Variants in ZNF423 observed in about 807,000 individuals in gnomAD.
The protein encoded by ZNF423 is Ebf-associated zinc finger protein.
ZNF423 carries 12 observed loss-of-function variants against 95.8 expected under a neutral mutation model. The ratio of observed to expected loss-of-function variants is 0.13; its 90% CI spans 0.08 to 0.20. The LOEUF is 0.20. Among genes scored for constraint, ZNF423 ranks in the 10% least tolerant of loss-of-function variants. ZNF423 has a pLI of 1.00. For synonymous variants in ZNF423, 749 were observed against 711.9 expected (o/e 1.05, Z -0.83); for missense variants, 1,316 against 1,737.1 (o/e 0.76, Z 4.31).
chr16:49,521,773 C>T (rs1277034232), intron 7 of ZNF423, among the ~76,000 whole-genome samples: 5 of 152,208 alleles, frequency 3.3e-5, no homozygotes, highest in South Asian at 4.1e-4. Context: ...GGGTGCTCCT[C>T]GGGGCCAGCC....
intron 2 of ZNF423, among the ~76,000 whole-genome samples, chr16:49,736,315 C>T (rs35729354): frequency 0.015 from 2,228 of 152,188 alleles, 40 homozygotes; most frequent in African/African-American, 0.049. Context: ...TCACATATGA[C>T]GAGGTTGCCC....
intron 1 of ZNF423, among the ~76,000 whole-genome samples, chr16:49,836,046 A>G (rs1597052446): frequency 6.6e-6 from 1 of 151,478 alleles, no homozygotes; most frequent in Non-Finnish European, 1.5e-5. Context: ...AACCACAGCT[A>G]AGATTCCTAG....
chr16:49,571,141 G>A (rs887367104), intron 5 of ZNF423, among the ~76,000 whole-genome samples: 1 of 152,142 alleles, frequency 6.6e-6, no homozygotes, highest in Non-Finnish European at 1.5e-5. Flanking sequence ...GAATTTGCTA[G>A]GCATCTATAG....
At chr16:49,778,327 A>G (rs1362343921) in intron 2 of ZNF423, among the ~76,000 whole-genome samples, 3 of 152,184 alleles carry the variant, frequency 2.0e-5, no homozygotes, top group Non-Finnish European at 4.4e-5. Flanking sequence ...ACCATATCCA[A>G]CCCAGGAGCT....
At chr16:49,580,333 T>C (rs1457143245) in intron 5 of ZNF423, among the ~76,000 whole-genome samples, 1 of 152,146 alleles carries the variant, frequency 6.6e-6, no homozygotes, top group Non-Finnish European at 1.5e-5. Context: ...ATTTTCCCTA[T>C]CCCTGCACCA....
At chr16:49,597,014 T>C (rs1971203384) in intron 5 of ZNF423, among the ~76,000 whole-genome samples, 1 of 152,186 alleles carries the variant, frequency 6.6e-6, no homozygotes, top group South Asian at 2.1e-4. Context: ...TCGGGCTCCA[T>C]CCAACCACCT....
chr16:49,835,130 T>TG (rs2035103728), intron 1 of ZNF423, among the ~76,000 whole-genome samples: 1 of 151,974 alleles, frequency 6.6e-6, no homozygotes, highest in Non-Finnish European at 1.5e-5. Context: ...CCCCTGGCCT[T>TG]GGGGGGCTCC....
At chr16:49,837,834 C>G (rs536829583) in intron 1 of ZNF423, among the ~76,000 whole-genome samples, 1 of 152,342 alleles carries the variant, frequency 6.6e-6, no homozygotes, top group African/African-American at 2.4e-5. Flanking sequence ...TCTGCAGTTC[C>G]CTCTCATCTT....
intron 2 of ZNF423, among the ~76,000 whole-genome samples, chr16:49,744,089 G>T (rs561628941): frequency 6.6e-6 from 1 of 152,214 alleles, no homozygotes; most frequent in South Asian, 2.1e-4. Context: ...GACCCCAGGG[G>T]TCTCCCCACC....
At chr16:49,820,069 G>GATGC (rs1399528391) in intron 1 of ZNF423, among the ~76,000 whole-genome samples, 1 of 149,210 alleles carries the variant, frequency 6.7e-6, no homozygotes, top group African/African-American at 2.6e-5. Flanking sequence ...TGGATGGATG[G>GATGC]ATGCATGGAT....
At chr16:49,813,520 A>G (rs1036616575) in intron 1 of ZNF423, among the ~76,000 whole-genome samples, 3 of 152,136 alleles carry the variant, frequency 2.0e-5, no homozygotes, top group Admixed American at 6.5e-5. Context: ...CTCATGCTTG[A>G]TCTGCCCAGG....
At position 49,821,745 on chromosome 16, in the gene ZNF423, C is replaced by T. The variant is rs907880603; in HGVS notation, c.41-32199G>A. The stretch of plus-strand genomic sequence containing the variant: ...CTCTTTTTCCCTCCCCCGGTGTGTG[C>T]GAAGGCCGAGCCTGGCTGTCACTCA... On this transcript the variant is annotated intron_variant, in intron 1 of 7. Transcript: ENST00000563137. Among the ~76,000 whole-genome samples, 5 of 152,110 alleles carry T rather than the reference C, an allele frequency of 3.3e-5. No individual in the cohort carries two copies. The East Asian group carries it at 5.8e-4, about 18-fold the overall frequency.
At chr16:49,514,051 A>G (rs1321316527) in intron 7 of ZNF423, among the ~76,000 whole-genome samples, 2 of 151,610 alleles carry the variant, frequency 1.3e-5, no homozygotes, top group African/African-American at 4.8e-5. Flanking sequence ...TGTTCTGAGA[A>G]CACCCCAAAT....
rs2035350792 is a variant in ZNF423 at position 49,855,367 on chromosome 16, G to A, written c.40+368C>T. Among the ~76,000 whole-genome samples, 1 of 147,378 alleles carries A rather than the reference G, an allele frequency of 6.8e-6. No homozygotes were observed. Among genetic ancestry groups the A allele is most frequent in the Non-Finnish European group, 1.5e-5 (1 of 66,284 alleles). ...GAGATTCGCAATCCCCGCCAAGTCG[G>A]GCCAGCACCCCTTGATTGGCCACAC... On this transcript the variant is annotated intron_variant, in intron 1 of 7. Transcript: ENST00000563137. The surrounding 1 kb of genome is among the most constrained non-coding windows in gnomAD (Gnocchi z 4.7).
chr16:49,857,260 A>G (rs1302960995), upstream of ZNF423, among the ~76,000 whole-genome samples: 1 of 147,982 alleles, frequency 6.8e-6, no homozygotes, highest in East Asian at 2.1e-4. This position sits in a 1 kb window ranked among gnomAD's most constrained non-coding sequence, Gnocchi z 6.2. Context: ...AGCGATGGAC[A>G]GCGCTGGAAA....
intron 5 of ZNF423, among the ~76,000 whole-genome samples, chr16:49,589,361 C>T (rs1366376488): frequency 2.6e-5 from 4 of 152,230 alleles, no homozygotes; most frequent in South Asian, 2.1e-4. Context: ...CTCTGCTACT[C>T]GCTCTACTCT....
chr16:49,525,325 A>G, intron 6 of ZNF423, 38 bp downstream of exon 6: 1 of 1,610,430 alleles, frequency 6.2e-7, no homozygotes, highest in Non-Finnish European at 8.5e-7. Flanking sequence ...TCCTGTGTTC[A>G]TCTCTCTCCC....
intron 3 of ZNF423, among the ~76,000 whole-genome samples, chr16:49,726,653 T>C (rs879297265): frequency 6.6e-6 from 1 of 152,162 alleles, no homozygotes; most frequent in Non-Finnish European, 1.5e-5. Context: ...ATTTCCTGAC[T>C]TGGTGCCCAC....
chr16:49,712,596 C>T (rs1049678424), intron 3 of ZNF423, among the ~76,000 whole-genome samples: 1 of 152,238 alleles, frequency 6.6e-6, no homozygotes, highest in African/African-American at 2.4e-5. Flanking sequence ...CCTCCTCAGA[C>T]TCAAGCTTCT....
Sources: gnomAD v4.1 joint callset for allele counts (sites outside exome capture counted in the v4.1 genomes callset) on GRCh38, gnomAD v4.1.1 for gene constraint, Gnocchi (gnomAD v3.1) non-coding constraint, MANE v1.5 for transcripts, NCBI Gene and HGNC (gene_info 2026-07-23, HGNC 2026-07-21) for gene names.